ZNF385D: variants seen among roughly 807,000 people sequenced by gnomAD.
ZNF385D encodes zinc finger protein 385D, also known as zinc finger protein 659.
ZNF385D carries 15 observed loss-of-function variants against 35.8 expected under a neutral mutation model. That is an observed-to-expected ratio of 0.42 (90% CI 0.28 to 0.64). The LOEUF is 0.64. Among genes scored for constraint, ZNF385D ranks in the 30% least tolerant of loss-of-function variants. The probability of loss-of-function intolerance (pLI) is 0.23; values close to 1 mark genes in which losing one functional copy is unlikely to be tolerated. For missense variants in ZNF385D, 474 were observed against 494.6 expected (o/e 0.96, Z 0.39); for synonymous variants, 212 against 186.8 (o/e 1.13, Z -1.10).
chr3:22,061,240 G>T (rs575232174), intron 3 of ZNF385D, among the ~76,000 whole-genome samples: 48 of 152,242 alleles, frequency 3.2e-4, no homozygotes, highest in African/African-American at 1.1e-3. Flanking sequence ...AAAGTATGAA[G>T]AAAAGTAGTC....
intron 3 of ZNF385D, among the ~76,000 whole-genome samples, chr3:21,939,895 C>G (rs1030917327): frequency 6.6e-6 from 1 of 152,086 alleles, no homozygotes; most frequent in Non-Finnish European, 1.5e-5. Flanking sequence ...TGAGTAAACT[C>G]ATTTGGCAAA....
At chr3:22,290,521 A>G (rs1702247312) in intron 2 of ZNF385D, among the ~76,000 whole-genome samples, 1 of 152,132 alleles carries the variant, frequency 6.6e-6, no homozygotes, top group South Asian at 2.1e-4. Context: ...CTGGCAAGGT[A>G]AACTGTTTGG....
chr3:22,259,170 C>G (rs1304101335), intron 2 of ZNF385D, among the ~76,000 whole-genome samples: 1 of 151,770 alleles, frequency 6.6e-6, no homozygotes, highest in Non-Finnish European at 1.5e-5. Context: ...TACTGGTTTA[C>G]AGAGTTATAC....
chr3:21,504,497 T>G (rs1252837206), intron 4 of ZNF385D, among the ~76,000 whole-genome samples: 3 of 152,140 alleles, frequency 2.0e-5, no homozygotes, highest in Non-Finnish European at 4.4e-5. Context: ...TGACTTACTA[T>G]CTTTTATATA....
intron 3 of ZNF385D, among the ~76,000 whole-genome samples, chr3:22,050,148 T>C (rs547367086): frequency 1.4e-3 from 207 of 152,000 alleles, no homozygotes; most frequent in African/African-American, 4.8e-3. Context: ...TGAGGATTGT[T>C]TGAGCCCAGG....
At chr3:21,940,434 T>C (rs931894108) in intron 3 of ZNF385D, among the ~76,000 whole-genome samples, 2 of 152,218 alleles carry the variant, frequency 1.3e-5, no homozygotes, top group African/African-American at 2.4e-5. Context: ...GAAATACATA[T>C]GTAAAGCACT....
At chr3:21,491,959 A>T (rs865972305) in intron 4 of ZNF385D, among the ~76,000 whole-genome samples, 7 of 152,118 alleles carry the variant, frequency 4.6e-5, no homozygotes, top group African/African-American at 1.7e-4. Flanking sequence ...ACACATACAC[A>T]CACATTTAGA....
chr3:22,203,937 T>C (rs1001287523), intron 2 of ZNF385D, among the ~76,000 whole-genome samples: 1 of 152,006 alleles, frequency 6.6e-6, no homozygotes, highest in African/African-American at 2.4e-5. Flanking sequence ...AGAAAAGAAG[T>C]CTGGTTGGCT....
Position 22,074,859 on chromosome 3 carries a change from C to CT in ZNF385D, c.325+93957dup, listed in dbSNP as rs768736657. 7.2e-5 allele frequency among the ~76,000 whole-genome samples: 11 copies of CT among 151,966 alleles called. No individual in the cohort carries two copies. In the East Asian group the frequency reaches 2.1e-3, roughly 29 times the overall value. ...ACTCTGGAACCCTTCCCTTTCACATCTTCATGTGGACTTTCTTCATTCTAT... is the reference window on the plus strand; with the variant it reads ...ACTCTGGAACCCTTCCCTTTCACATCTTTCATGTGGACTTTCTTCATTCTAT... On this transcript the variant is annotated intron_variant, in intron 3 of 5. Coordinates refer to the ZNF385D transcript ENST00000494108.
chr3:21,447,072 C>A (rs532494956), intron 4 of ZNF385D, among the ~76,000 whole-genome samples: 5 of 152,092 alleles, frequency 3.3e-5, no homozygotes, highest in Non-Finnish European at 7.3e-5. Context: ...ATAAATTAAT[C>A]CAAACCTAAG....
At chr3:21,742,043 T>A (rs528982354) in intron 1 of ZNF385D, among the ~76,000 whole-genome samples, 40 of 151,648 alleles carry the variant, frequency 2.6e-4, no homozygotes, top group Middle Eastern at 3.4e-3. Context: ...TGAACATTTA[T>A]TTCCAAGTTG....
In ZNF385D at chr3:21,787,941, C is replaced by CAAGAAAAAAAA. The variant is rs2071762948; in HGVS notation, c.326-122914_326-122913insTTTTTTTTCTT. On this transcript the variant is annotated intron_variant, in intron 3 of 5. Transcript: ENST00000494108. ...TGGGCGACAGAGCGAGACTTCGTCTCAACAAAAAAAAAAAAAAAAAAAAAA... is the reference window on the plus strand; with the variant it reads ...TGGGCGACAGAGCGAGACTTCGTCTCAAGAAAAAAAAAACAAAAAAAAAAAAAAAAAAAAAA... Among the ~76,000 whole-genome samples the CAAGAAAAAAAA allele has an allele frequency of 1.0e-4, 3 of 29,756 alleles. 1 individual carries two copies. The South Asian group carries it at 6.1e-3, about 61-fold the overall frequency. The allele number at this position is 29,756 out of a possible 152,430, so 19.5% of individuals were successfully genotyped here.
chr3:22,144,966 TAATC>T (rs1704755238), intron 3 of ZNF385D, among the ~76,000 whole-genome samples: 1 of 151,768 alleles, frequency 6.6e-6, no homozygotes, highest in African/African-American at 2.4e-5. Flanking sequence ...TAGGTAATCA[TAATC>T]AAGACAGAGC....
At chr3:22,011,245 C>T (rs1041793550) in intron 3 of ZNF385D, among the ~76,000 whole-genome samples, 3 of 151,840 alleles carry the variant, frequency 2.0e-5, no homozygotes, top group Non-Finnish European at 4.4e-5. Context: ...GAAATAAATA[C>T]AAACTATGGA....
intron 3 of ZNF385D, among the ~76,000 whole-genome samples, chr3:22,048,063 A>G (rs1216092120): frequency 6.6e-6 from 1 of 151,588 alleles, no homozygotes; most frequent in Non-Finnish European, 1.5e-5. Context: ...ACATCCATTC[A>G]TTTTTTTCAT....
At chr3:21,708,858 C>T (rs540705325) in intron 1 of ZNF385D, among the ~76,000 whole-genome samples, 15 of 136,924 alleles carry the variant, frequency 1.1e-4, no homozygotes, top group East Asian at 4.1e-4. Context: ...TGTGTGTGGG[C>T]GTGCACACAC....
intron 3 of ZNF385D, among the ~76,000 whole-genome samples, chr3:22,102,840 C>A (rs1472598084): frequency 6.6e-6 from 1 of 151,024 alleles, no homozygotes; most frequent in Non-Finnish European, 1.5e-5. Context: ...AGCATTGGGG[C>A]CTTTTTTTAT....
chr3:21,614,645 G>A (rs973069774), intron 2 of ZNF385D, among the ~76,000 whole-genome samples: 3 of 152,178 alleles, frequency 2.0e-5, no homozygotes, highest in African/African-American at 7.2e-5. Context: ...CTGGAGTGCA[G>A]TGGCACGATC....
chr3:21,530,797 C>A (rs190910550), intron 3 of ZNF385D, among the ~76,000 whole-genome samples: 1 of 152,074 alleles, frequency 6.6e-6, no homozygotes, highest in African/African-American at 2.4e-5. Flanking sequence ...AAGAGAGCAC[C>A]ACCTCTGAGA....
Sources: gnomAD v4.1 joint callset for allele counts (sites outside exome capture counted in the v4.1 genomes callset) on GRCh38, gnomAD v4.1.1 for gene constraint, MANE v1.5 for transcripts, NCBI Gene and HGNC (gene_info 2026-07-23, HGNC 2026-07-21) for gene names.